The following MADD variants were observed in gnomAD, a reference collection of about 807,000 sequenced individuals.
MADD encodes MAP kinase activating death domain, also known as MAP kinase-activating death domain protein.
In MADD, 109 loss-of-function variants were observed where a neutral mutation model predicts 176.7. The ratio of observed to expected loss-of-function variants is 0.62; its 90% CI spans 0.53 to 0.72. The LOEUF (loss-of-function observed/expected upper bound fraction) is 0.72, where lower values mean the gene tolerates loss of function less well. Ranked by LOEUF, MADD falls within the 30% of genes least tolerant of loss-of-function variation. The pLI is 0.00. For synonymous variants in MADD, 771 were observed against 771.3 expected (o/e 1.00, Z 0.01); for missense variants, 1,914 against 2,045.5 (o/e 0.94, Z 1.24).
chr11:47,326,663 A>G, intron 30 of MADD, 75 bp from the exon 35 acceptor site: 1 of 1,570,172 alleles, frequency 6.4e-7, no homozygotes, highest in Non-Finnish European at 8.7e-7. Context: ...GTGGGGCTGT[A>G]GCTGGGAGAG....
intron 4 of MADD, 53 bp downstream of exon 4, chr11:47,276,255 AG>A: frequency 6.6e-7 from 1 of 1,518,358 alleles, no homozygotes; most frequent in East Asian, 2.3e-5. Flanking sequence ...TAAATATGCC[AG>A]TGGCCAGACC....
chr11:47,317,555 A>G (rs2093421212), intron 27 of MADD, among the ~76,000 whole-genome samples: 1 of 152,022 alleles, frequency 6.6e-6, no homozygotes, highest in Non-Finnish European at 1.5e-5. Flanking sequence ...CTGGTAGTTC[A>G]GTTTAGAGGT....
chr11:47,290,527 T>C, intron 18 of MADD, 83 bp from the exon 20 acceptor site: 1 of 1,417,974 alleles, frequency 7.1e-7, no homozygotes, highest in East Asian at 2.3e-5. Context: ...CGCACCCTCC[T>C]GTATCCTGGC....
chr11:47,320,427 C>A (rs2094245112), intron 27 of MADD, among the ~76,000 whole-genome samples: 1 of 151,542 alleles, frequency 6.6e-6, no homozygotes, highest in Non-Finnish European at 1.5e-5. Context: ...TTCACTCCAG[C>A]CTGGGCGACA....
intron 22 of MADD, among the ~76,000 whole-genome samples, chr11:47,307,028 A>G (rs1376694455): frequency 6.6e-6 from 1 of 151,400 alleles, no homozygotes; most frequent in Non-Finnish European, 1.5e-5. Context: ...CAGCCTCCCA[A>G]GTAGCTGGGA....
intron 15 of MADD, among the ~76,000 whole-genome samples, chr11:47,287,704 C>G (rs1331837385): frequency 6.6e-6 from 1 of 151,916 alleles, no homozygotes; most frequent in Non-Finnish European, 1.5e-5. Flanking sequence ...GCCACTGCAC[C>G]TGGCCTGATT....
At chr11:47,286,562 C>T in intron 15 of MADD, 28 bp downstream of exon 15, 1 of 1,553,266 alleles carries the variant, frequency 6.4e-7, no homozygotes, top group Non-Finnish European at 8.9e-7. Flanking sequence ...TTTGCCAAGC[C>T]AGGTTTCTCC....
chr11:47,300,358 G>A (rs1360101967), intron 22 of MADD, among the ~76,000 whole-genome samples: 2 of 148,146 alleles, frequency 1.4e-5, no homozygotes, highest in African/African-American at 5.0e-5. Context: ...AGGCGCCCAC[G>A]ACCACGCCTG....
chr11:47,292,558 A>G, intron 19 of MADD: 2 of 1,614,026 alleles, frequency 1.2e-6, no homozygotes, highest in Non-Finnish European at 1.7e-6. Flanking sequence ...TGGAACAAGC[A>G]CCAGGAAGTG....
intron 6 of MADD, among the ~76,000 whole-genome samples, chr11:47,278,695 A>C (rs1166305583): frequency 6.6e-6 from 1 of 152,198 alleles, no homozygotes; most frequent in Non-Finnish European, 1.5e-5. Flanking sequence ...CTTTGGTGGG[A>C]AGCCCTTATG....
intron 15 of MADD, among the ~76,000 whole-genome samples, chr11:47,287,782 A>ATTTTTTTTTTTTT (rs57417064): frequency 7.3e-5 from 4 of 55,032 alleles, no homozygotes; most frequent in African/African-American, 3.3e-4. Context: ...AGAAACATGT[A>ATTTTTTTTTTTTT]TTTTTTTTTT....
intron 22 of MADD, among the ~76,000 whole-genome samples, chr11:47,308,170 C>T (rs1172748344): frequency 6.6e-6 from 1 of 152,140 alleles, no homozygotes; most frequent in Non-Finnish European, 1.5e-5. Flanking sequence ...GTATTATAAC[C>T]TTCCTTTGAC....
At chr11:47,273,222 A>G (rs944335393) in intron 1 of MADD, among the ~76,000 whole-genome samples, 1 of 152,256 alleles carries the variant, frequency 6.6e-6, no homozygotes, top group Admixed American at 6.5e-5. Flanking sequence ...AATTTTTGTT[A>G]CAATGACTGA....
At chr11:47,298,424 C>T (rs2074886857) in intron 22 of MADD, among the ~76,000 whole-genome samples, 1 of 152,224 alleles carries the variant, frequency 6.6e-6, no homozygotes, top group African/African-American at 2.4e-5. Context: ...AGTTTGGCTT[C>T]AAGGCCTGTG....
chr11:47,312,074 A>G (rs2089799077), intron 26 of MADD, among the ~76,000 whole-genome samples: 1 of 152,154 alleles, frequency 6.6e-6, no homozygotes. Context: ...AACGATTTCA[A>G]ATGATTCTAA....
At chr11:47,324,268 C>G (rs370449676) in exon 29 of MADD, 2 of 1,613,862 alleles carry the variant, frequency 1.2e-6, no homozygotes, top group Admixed American at 1.7e-5. Flanking sequence ...GCCACAGTGT[C>G]GGGAGCTGTA....
exon 17 of MADD, chr11:47,289,946 G>T (rs1565377963): frequency 6.2e-7 from 1 of 1,614,170 alleles, no homozygotes; most frequent in Non-Finnish European, 8.5e-7. Flanking sequence ...CATGAAAAAG[G>T]TGCGCCGGCT....
rs778846272 is a variant in MADD, at chr11:47,311,690, G to A, written c.3979-42G>A. ...CTCTTTTCTCTACCTCAGTCGGGAG[G>A]AGAGCAGATCCCTTGTTAAGAGTCA... is the stretch of plus-strand genomic sequence containing the variant. On this transcript the variant is annotated intron_variant, in intron 25 of 32. Transcript: ENST00000402192. 9.0e-6 allele frequency: 11 copies of A among 1,219,756 alleles called. No individual in the cohort carries two copies. The East Asian group carries it at 1.6e-4, about 18-fold the overall frequency. The allele number at this position is 1,219,756 out of a possible 1,614,324, so 75.6% of individuals were successfully genotyped here.
chr11:47,320,734 C>T (rs1175089812), intron 27 of MADD, among the ~76,000 whole-genome samples: 1 of 151,816 alleles, frequency 6.6e-6, no homozygotes, highest in Non-Finnish European at 1.5e-5. Context: ...CCAGCCTGGG[C>T]AACATAGGGA....
Sources: gnomAD v4.1 joint callset for allele counts (sites outside exome capture counted in the v4.1 genomes callset) on GRCh38, gnomAD v4.1.1 for gene constraint, MANE v1.5 for transcripts, NCBI Gene and HGNC (gene_info 2026-07-23, HGNC 2026-07-21) for gene names.